Variants in PITRM1 observed in about 807,000 individuals in gnomAD.
The protein encoded by PITRM1 is pitrilysin metallopeptidase 1, also known as presequence protease, mitochondrial.
Under a neutral mutation model 129.9 loss-of-function variants are expected in PITRM1, and 100 were observed. The observed-to-expected ratio is 0.77, with a 90% CI of 0.65 to 0.91. The LOEUF is 0.91. Ranked by LOEUF, PITRM1 falls within the 40% of genes least tolerant of loss-of-function variation. PITRM1 has a pLI of 0.00. For synonymous variants in PITRM1, 591 were observed against 508.8 expected (o/e 1.16, Z -2.17); for missense variants, 1,471 against 1,318.3 (o/e 1.12, Z -1.79).
intron 2 of PITRM1, among the ~76,000 whole-genome samples, chr10:3,168,416 T>C (rs930637244): frequency 3.3e-5 from 5 of 150,212 alleles, no homozygotes; most frequent in African/African-American, 1.3e-4. Flanking sequence ...TGACTTATCG[T>C]AAGTTTCTAT....
At chr10:3,138,403 CAT>C (rs1168035472) in intron 25 of PITRM1, 66 bp from the exon 26 acceptor site, 2 of 1,061,000 alleles carry the variant, frequency 1.9e-6, no homozygotes, top group African/African-American at 3.1e-5. Context: ...GCTGTGCACT[CAT>C]GTCCCGGAGG....
rs963561415 is a variant in PITRM1, at chr10:3,157,449, G to A, written c.1333C>T (p.Leu445=). ...QMKHQSTSFG[L]MLTSYIASCW... ...AGATCACTTACTGATGTCAGCATCA[G>A]CCCAAAGCTGGTAGACTGATGTTTC... The change falls in exon 12 of 27, where the codon CTG becomes TTG. Residue 445 remains leucine (L), a synonymous_variant. Coordinates refer to ENST00000224949, the MANE Select transcript of PITRM1 (RefSeq NM_014889.4). 11 of 1,605,746 alleles carry A rather than the reference G, an allele frequency of 6.9e-6. No homozygotes were observed. Among genetic ancestry groups the A allele is most frequent in the Non-Finnish European group, 9.4e-6 (11 of 1,174,844 alleles).
In PITRM1 at chr10:3,151,234, C is replaced by T. The variant is rs151177469; in HGVS notation, c.1738+13G>A. 3.8e-5 allele frequency: 54 copies of T among 1,424,808 alleles called. No individual in the cohort carries two copies. In the African/African-American group the frequency reaches 6.7e-4, roughly 18 times the overall value. The allele number at this position is 1,424,808 out of a possible 1,614,324, so 88.3% of individuals were successfully genotyped here. ...AACCCGAGACCCGGGAAAAGCGTAG[C>T]GTTCACAGTGACCTGTCAGGACCAC... On this transcript the variant is annotated intron_variant, in intron 15 of 26. Transcript: ENST00000224949.
chr10:3,149,781 T>C, intron 15 of PITRM1, 28 bp from the exon 16 acceptor site: 1 of 1,612,610 alleles, frequency 6.2e-7, no homozygotes, highest in Non-Finnish European at 8.5e-7. Flanking sequence ...ATTTAATTTT[T>C]ATTGCTGCCA....
intron 1 of PITRM1, chr10:3,172,081 C>T (rs947508131): frequency 5.0e-6 from 2 of 398,262 alleles, no homozygotes; most frequent in African/African-American, 2.1e-5. Flanking sequence ...AGTTACTTAT[C>T]AAGGACATGA....
intron 20 of PITRM1, 141 bp from the exon 21 acceptor site, chr10:3,145,857 G>A (rs974228281): frequency 4.5e-6 from 3 of 665,726 alleles, no homozygotes; most frequent in Admixed American, 4.9e-5. Context: ...ATGTGGAAAT[G>A]CCACGGCCGC....
At chr10:3,145,853 A>T in intron 20 of PITRM1, 137 bp from the exon 21 acceptor site, 1 of 699,590 alleles carries the variant, frequency 1.4e-6, no homozygotes. Flanking sequence ...CCAAATGTGG[A>T]AATGCCACGG....
chr10:3,155,685 C>T lies in PITRM1; in HGVS notation c.1527G>A (p.Lys509=), dbSNP rs1051238448. Residue 509 remains lysine (K), a synonymous_variant, in exon 14 of 27, where the codon AAG becomes AAA. Coordinates refer to ENST00000224949, the MANE Select transcript of PITRM1 (RefSeq NM_014889.4). ...KLTLSMRPDD[K]YHEKQAQVEA... is the part of the protein sequence containing the mutation. ...CCACCTGTGCCTGCTTCTCGTGATA[C>T]TTGTCATCTGGCCTCATCGATAAAG... 5 of 1,613,832 alleles carry T rather than the reference C, an allele frequency of 3.1e-6. No individual in the cohort carries two copies. In the African/African-American group the frequency reaches 4.0e-5, roughly 13 times the overall value.
intron 16 of PITRM1, 183 bp from the exon 17 acceptor site, chr10:3,148,474 G>GC (rs1841151676): frequency 3.0e-6 from 2 of 658,774 alleles, no homozygotes; most frequent in Non-Finnish European, 4.8e-6. Context: ...GAGTTCATGT[G>GC]CCCCCTTCCC....
chr10:3,162,078 G>A (rs1375069111), intron 7 of PITRM1, among the ~76,000 whole-genome samples: 4 of 151,374 alleles, frequency 2.6e-5, no homozygotes, highest in Non-Finnish European at 4.4e-5. Context: ...AGGCTGAGGT[G>A]GCCCAGGAGG....
chr10:3,147,272 C>G (rs376225731), intron 19 of PITRM1, 22 bp from the exon 20 acceptor site: 198 of 1,501,752 alleles, frequency 1.3e-4, no homozygotes, highest in African/African-American at 3.7e-4. Flanking sequence ...GAAACTCGCT[C>G]AGAGAGAGGC....
rs1160413777 is a variant in PITRM1, at chr10:3,138,275, A to G, written c.2980T>C (p.Phe994Leu). Residue 994 changes from phenylalanine (F) to leucine (L), a missense_variant, in exon 26 of 27, where the codon TTT (phenylalanine) becomes CTT (leucine). By Grantham distance (22) the Phe-to-Leu change is conservative (BLOSUM62 0). Transcript: ENST00000224949. ...AGGAGCTTGTCGTGGCTGACAGCAAAGAGCTGCTCTCTGTGGGCCTGCTTC... is the reference window on the plus strand; with the variant it reads ...AGGAGCTTGTCGTGGCTGACAGCAAGGAGCTGCTCTCTGTGGGCCTGCTTC... Reference protein sequence around the residue: ...EMKQAHREQLFAVSHDKLLAV... With the variant: ...EMKQAHREQLLAVSHDKLLAV... The G allele has an allele frequency of 6.2e-7, 1 of 1,613,788 alleles. No homozygotes were observed. The highest frequency in any genetic ancestry group is 8.5e-7 in the Non-Finnish European group (1 of 1,179,816).
At chr10:3,155,772 A>T in intron 13 of PITRM1, 43 bp from the exon 14 acceptor site, 2 of 1,606,280 alleles carry the variant, frequency 1.2e-6, no homozygotes, top group Non-Finnish European at 8.5e-7. Context: ...TGAAAACAAG[A>T]TCTTACTATA....
At chr10:3,144,256 C>G in intron 22 of PITRM1, 36 bp downstream of exon 22, 4 of 1,281,020 alleles carry the variant, frequency 3.1e-6, no homozygotes, top group Non-Finnish European at 4.4e-6. Flanking sequence ...GGGAAGCACC[C>G]ACCCGCTGGC....
intron 23 of PITRM1, chr10:3,141,838 G>T: frequency 3.5e-6 from 1 of 281,696 alleles, no homozygotes; most frequent in South Asian, 3.0e-5. Flanking sequence ...ACCATCTCGT[G>T]TGGGTCCTCC....
At chr10:3,171,379 G>A (rs1239953807) in intron 1 of PITRM1, among the ~76,000 whole-genome samples, 2 of 149,740 alleles carry the variant, frequency 1.3e-5, no homozygotes, top group African/African-American at 4.9e-5. Flanking sequence ...TGTTATGACC[G>A]TGATAATCTA....
intron 14 of PITRM1, 132 bp downstream of exon 14, chr10:3,155,459 G>A (rs756353870): frequency 4.6e-6 from 5 of 1,084,034 alleles, no homozygotes; most frequent in Admixed American, 2.2e-5. Flanking sequence ...TGCATCGAAC[G>A]TGAGCTCTGT....
intron 20 of PITRM1, 100 bp from the exon 21 acceptor site, chr10:3,145,816 A>T (rs754773078): frequency 1.2e-4 from 113 of 977,316 alleles, no homozygotes; most frequent in Non-Finnish European, 1.6e-4. Flanking sequence ...TTTTATAGAA[A>T]ATACTGTTCA....
rs1842224731 is a variant in PITRM1 at position 3,159,109 on chromosome 10, C to G, written c.1008-67G>C. 3 of 1,366,570 alleles carry G rather than the reference C, an allele frequency of 2.2e-6. No homozygotes were observed. In the African/African-American group the frequency reaches 4.4e-5, roughly 20 times the overall value. 84.7% of individuals were successfully genotyped at this position (1,366,570 alleles called of 1,614,324 possible). On this transcript the variant is annotated intron_variant, in intron 9 of 26. Transcript: ENST00000224949. ...AAAGGGAAAATTACTGGCCCTTATG[C>G]ACATTTTATTTAAAACCACTACACA...
Sources: allele counts gnomAD v4.1 joint callset (sites outside exome capture counted in the v4.1 genomes callset), GRCh38; gene constraint gnomAD v4.1.1; transcripts MANE v1.5; gene names NCBI Gene and HGNC (gene_info 2026-07-23, HGNC 2026-07-21).